Variants in FAM81A observed in about 807,000 individuals in gnomAD.
FAM81A encodes protein FAM81A.
FAM81A carries 19 observed loss-of-function variants against 46.7 expected under a neutral mutation model. The ratio of observed to expected loss-of-function variants is 0.41; its 90% CI spans 0.28 to 0.60. The LOEUF (loss-of-function observed/expected upper bound fraction) is 0.60. FAM81A is among the 20% of genes least tolerant of loss of function. The pLI, the probability that FAM81A is intolerant of heterozygous loss-of-function variation, is 0.34. For missense variants in FAM81A, 377 were observed against 453.5 expected (o/e 0.83, Z 1.53); for synonymous variants, 183 against 152.9 (o/e 1.20, Z -1.45).
chr15:59,456,191 CAG>C (rs1189796837), intron 1 of FAM81A, among the ~76,000 whole-genome samples: 4 of 151,684 alleles, frequency 2.6e-5, no homozygotes, highest in Non-Finnish European at 5.9e-5. Context: ...TCTAGGCTGG[CAG>C]GGGTGGGAAG....
intron 3 of FAM81A, among the ~76,000 whole-genome samples, chr15:59,477,561 C>G (rs2081788462): frequency 1.3e-5 from 2 of 152,138 alleles, no homozygotes; most frequent in Admixed American, 1.3e-4. Flanking sequence ...CAGTTATACA[C>G]TGGAAAAAAA....
chr15:59,420,344 G>A (rs1247088112), intron 2 of FAM81A, among the ~76,000 whole-genome samples: 1 of 152,184 alleles, frequency 6.6e-6, no homozygotes, highest in African/African-American at 2.4e-5. Flanking sequence ...GACATCTTTT[G>A]TGGGTTCATG....
chr15:59,493,908 C>A (rs1424636166), intron 4 of FAM81A, among the ~76,000 whole-genome samples: 1 of 152,080 alleles, frequency 6.6e-6, no homozygotes, highest in Non-Finnish European at 1.5e-5. Flanking sequence ...TTTCTAACTT[C>A]TTTTCAGTCT....
intron 1 of FAM81A, among the ~76,000 whole-genome samples, chr15:59,450,224 C>A (rs1240770978): frequency 1.3e-5 from 2 of 151,836 alleles, no homozygotes; most frequent in Admixed American, 1.3e-4. Flanking sequence ...GCCACTGCAC[C>A]TCGCTGCTAA....
chr15:59,447,679 C>T (rs1267683179), intron 1 of FAM81A, among the ~76,000 whole-genome samples: 1 of 152,172 alleles, frequency 6.6e-6, no homozygotes. Context: ...TTGCACAGCC[C>T]TCTTCCTCCT....
chr15:59,486,927 TAAG>T (rs1336334644), intron 3 of FAM81A, among the ~76,000 whole-genome samples: 1 of 151,714 alleles, frequency 6.6e-6, no homozygotes, highest in African/African-American at 2.4e-5. Flanking sequence ...TAATGAGCAA[TAAG>T]AAATCATCTG....
chr15:59,497,006 A>G (rs2082040841), intron 4 of FAM81A, among the ~76,000 whole-genome samples: 1 of 151,332 alleles, frequency 6.6e-6, no homozygotes, highest in Admixed American at 6.6e-5. Context: ...CACACCTGTA[A>G]TCTCAGCTCC....
rs2082332760 is a variant in FAM81A at position 59,521,985 on chromosome 15, C to T, written c.*607C>T. 1 of 152,566 alleles carries T rather than the reference C, an allele frequency of 6.6e-6. No individual in the cohort carries two copies. The highest frequency in any genetic ancestry group is 1.5e-5 in the Non-Finnish European group (1 of 68,016). 9.5% of individuals were successfully genotyped at this position (152,566 alleles called of 1,614,324 possible). A position where few individuals can be genotyped will look rare whatever the true frequency, so the allele number is the denominator to read the frequency against. ...ATGGAAATAGTTTAAAAATTGCTAA[C>T]TGCCATGTGGATTGCAAATTAAATG... On this transcript the variant is annotated 3_prime_UTR_variant, in exon 9 of 9. Transcript: ENST00000288228.
At chr15:59,496,682 T>G (rs1489343667) in intron 4 of FAM81A, among the ~76,000 whole-genome samples, 4 of 152,238 alleles carry the variant, frequency 2.6e-5, no homozygotes, top group Non-Finnish European at 5.9e-5. Flanking sequence ...TTCCATTGAT[T>G]CTCAATTATT....
At chr15:59,433,140 C>CAAA (rs552850890) in intron 2 of FAM81A, among the ~76,000 whole-genome samples, 3 of 42,404 alleles carry the variant, frequency 7.1e-5, no homozygotes, top group South Asian at 7.9e-4. Flanking sequence ...GACTCCGTCT[C>CAAA]AAAAAAAAAA....
intron 5 of FAM81A, 76 bp downstream of exon 5, chr15:59,507,418 C>T: frequency 6.5e-7 from 1 of 1,540,998 alleles, no homozygotes; most frequent in Non-Finnish European, 8.8e-7. Flanking sequence ...TTGATTATTT[C>T]TTACAGGAGA....
chr15:59,496,372 C>T (rs543050579), intron 4 of FAM81A, among the ~76,000 whole-genome samples: 15 of 152,174 alleles, frequency 9.9e-5, no homozygotes, highest in Admixed American at 2.0e-4. Flanking sequence ...ATTGGGAGGC[C>T]GAGGCGGGCA....
chr15:59,505,863 C>G (rs932012519), intron 4 of FAM81A, among the ~76,000 whole-genome samples: 11 of 152,144 alleles, frequency 7.2e-5, no homozygotes, highest in Non-Finnish European at 1.2e-4. Context: ...AACTCTTTTC[C>G]TTGTCACTAA....
chr15:59,461,219 A>C (rs544894699), intron 3 of FAM81A, among the ~76,000 whole-genome samples: 6 of 152,332 alleles, frequency 3.9e-5, no homozygotes, highest in African/African-American at 1.4e-4. Flanking sequence ...ATCTCTAGAA[A>C]TTGGTCTTTT....
At chr15:59,458,099 A>G (rs1348124489) in intron 1 of FAM81A, among the ~76,000 whole-genome samples, 1 of 152,226 alleles carries the variant, frequency 6.6e-6, no homozygotes, top group Non-Finnish European at 1.5e-5. Context: ...TAATTTAGAA[A>G]TAAGTGCTCT....
intron 8 of FAM81A, among the ~76,000 whole-genome samples, chr15:59,519,268 G>A (rs559637573): frequency 1.1e-4 from 16 of 151,294 alleles, no homozygotes; most frequent in African/African-American, 3.2e-4. Context: ...GGCTGACTGC[G>A]ACCTATTCTT....
rs1268254126 is a variant in FAM81A at position 59,401,244 on chromosome 15, G to A, written c.-160-1032G>A. The A allele has an allele frequency of 1.7e-5, 18 of 1,052,300 alleles. 1 individual carries two copies. Among genetic ancestry groups the A allele is most frequent in the Non-Finnish European group, 2.5e-5 (17 of 671,310 alleles). The allele number at this position is 1,052,300 out of a possible 1,614,324, so 65.2% of individuals were successfully genotyped here. A position where few individuals can be genotyped will look rare whatever the true frequency, so the allele number is the denominator to read the frequency against. On this transcript the variant is annotated intron_variant, in intron 1 of 4. Coordinates refer to the FAM81A transcript ENST00000558348. ...GTCGAACCAGTAAGACTGCATTTAT[G>A]CATCCATCATTTTCAGGATTGTTGG...
intron 3 of FAM81A, among the ~76,000 whole-genome samples, chr15:59,472,076 G>A (rs540952902): frequency 2.2e-4 from 34 of 152,220 alleles, no homozygotes; most frequent in Middle Eastern, 3.4e-3. Context: ...AATACAAACT[G>A]GGATGGCTAA....
intron 1 of FAM81A, among the ~76,000 whole-genome samples, chr15:59,451,391 C>T (rs1397433928): frequency 6.6e-6 from 1 of 152,004 alleles, no homozygotes; most frequent in South Asian, 2.1e-4. Context: ...CCTAATGCAT[C>T]CCCCTCTATT....
Sources: allele counts gnomAD v4.1 joint callset (sites outside exome capture counted in the v4.1 genomes callset), GRCh38; gene constraint gnomAD v4.1.1; transcripts MANE v1.5; gene names NCBI Gene and HGNC (gene_info 2026-07-23, HGNC 2026-07-21).